Variants in NBPF15 observed in about 807,000 individuals in gnomAD.
NBPF15 encodes the protein NBPF family member NBPF15.
NBPF15 carries 74 observed loss-of-function variants against 62.2 expected under a neutral mutation model. The ratio of observed to expected loss-of-function variants is 1.19; its 90% CI spans 0.99 to 1.44. NBPF15 has a LOEUF of 1.44. Ranked by LOEUF, NBPF15 falls within the 40% of genes most tolerant of loss-of-function variation. The pLI, the probability that NBPF15 is intolerant of heterozygous loss-of-function variation, is 0.00. For synonymous variants in NBPF15, 244 were observed against 209.7 expected, an observed-to-expected ratio of 1.16 and a Z score of -1.41; for missense variants, 790 against 550.0, an observed-to-expected ratio of 1.44 and a Z score of -4.36.
chr1:144,459,206 T>A (rs1650532596), intron 3 of NBPF15, among the ~76,000 whole-genome samples, 160 bp downstream of exon 3: 1 of 151,600 alleles, frequency 6.6e-6, no homozygotes, highest in South Asian at 2.1e-4. Flanking sequence ...ATTAAGAATC[T>A]CAGGCTGGGT....
chr1:144,432,655 A>T lies in NBPF15; in HGVS notation c.824+1118T>A, dbSNP rs1369398211. On this transcript the variant is annotated intron_variant, in intron 13 of 21. Coordinates refer to ENST00000581897, the MANE Select transcript of NBPF15 (RefSeq NM_001385408.1). ...GAAAACAAAAAAAGGCAGGGGTTGCAATCCTAGTCTCTGATAAAACAGACT... is the reference window on the plus strand; with the variant it reads ...GAAAACAAAAAAAGGCAGGGGTTGCTATCCTAGTCTCTGATAAAACAGACT... 7.2e-4 allele frequency among the ~76,000 whole-genome samples: 110 copies of T among 151,996 alleles called. 3 individuals carry two copies. Among genetic ancestry groups the T allele is most frequent in the Non-Finnish European group, 1.9e-4 (13 of 67,932 alleles).
At chr1:144,446,001 A>G (rs1233562102) in intron 6 of NBPF15, among the ~76,000 whole-genome samples, 8 of 146,938 alleles carry the variant, frequency 5.4e-5, no homozygotes, top group Non-Finnish European at 9.0e-5. Flanking sequence ...GACTACAGGC[A>G]CATGCCACCA....
rs1571138160 is a variant in NBPF15 at position 144,440,351 on chromosome 1, C to T, written c.-190-56G>A. The T allele has an allele frequency of 6.0e-5, 62 of 1,030,114 alleles. 2 individuals are homozygous for T. In the East Asian group the frequency reaches 1.6e-3, roughly 26 times the overall value. 63.8% of individuals were successfully genotyped at this position (1,030,114 alleles called of 1,614,324 possible). On this transcript the variant is annotated intron_variant, in intron 6 of 21. Transcript: ENST00000581897. ...GGGGTGTCATGGAATCTTAGGAGCCCTGCATTCCAATTGCCCAGGCTTTGC... is the reference window on the plus strand; with the variant it reads ...GGGGTGTCATGGAATCTTAGGAGCCTTGCATTCCAATTGCCCAGGCTTTGC...
Position 144,440,223 on chromosome 1 carries a change from G to C in NBPF15, c.-118C>G. The C allele has an allele frequency of 6.6e-7, 1 of 1,521,938 alleles. No individual in the cohort carries two copies. Among genetic ancestry groups the C allele is most frequent in the Non-Finnish European group, 8.8e-7 (1 of 1,132,314 alleles). The allele number at this position is 1,521,938 out of a possible 1,614,324, so 94.3% of individuals were successfully genotyped here. A position where few individuals can be genotyped will look rare whatever the true frequency, so the allele number is the denominator to read the frequency against. ...AAGGTTCGAGGTGCCTCAACTCAGA[G>C]CTGAAAGCACTGTCAGTAGCGCAGA... On this transcript the variant is annotated 5_prime_UTR_variant, in exon 7 of 22. Coordinates refer to ENST00000581897, the MANE Select transcript of NBPF15 (RefSeq NM_001385408.1).
chr1:144,449,670 C>T (rs1365411004), intron 5 of NBPF15, among the ~76,000 whole-genome samples: 1 of 151,884 alleles, frequency 6.6e-6, no homozygotes, highest in Non-Finnish European at 1.5e-5. Context: ...GAGGGTCAGT[C>T]CCAGGCTGTG....
chr1:144,438,453 G>A (rs1410393729), intron 8 of NBPF15, among the ~76,000 whole-genome samples: 2 of 151,900 alleles, frequency 1.3e-5, no homozygotes, highest in African/African-American at 4.8e-5. Flanking sequence ...GGGACTGATG[G>A]TTTCCCTTTT....
intron 10 of NBPF15, among the ~76,000 whole-genome samples, chr1:144,436,362 C>T (rs1161922580): frequency 5.3e-5 from 8 of 152,008 alleles, no homozygotes; most frequent in Non-Finnish European, 8.8e-5. Context: ...CCACAAAACG[C>T]CCCCACATAA....
chr1:144,448,291 G>A (rs587658019), intron 6 of NBPF15, among the ~76,000 whole-genome samples: 10 of 152,098 alleles, frequency 6.6e-5, no homozygotes, highest in East Asian at 1.9e-4. Flanking sequence ...CTTTGTTTTT[G>A]GAAGCATGTA....
chr1:144,453,519 A>G (rs1692486149), intron 4 of NBPF15, among the ~76,000 whole-genome samples: 1 of 151,664 alleles, frequency 6.6e-6, no homozygotes. Flanking sequence ...TGTGAAAGAC[A>G]CTGTTAAGAG....
At chr1:144,442,825 G>T in intron 6 of NBPF15, 1 of 213,088 alleles carries the variant, frequency 4.7e-6, no homozygotes, top group Non-Finnish European at 1.0e-5. Context: ...ACTGCTGCAG[G>T]ATGGGGAATT....
At chr1:144,432,146 C>T (rs1306911180) in intron 13 of NBPF15, among the ~76,000 whole-genome samples, 1 of 151,848 alleles carries the variant, frequency 6.6e-6, no homozygotes, top group African/African-American at 2.4e-5. Context: ...ACATCCTCTC[C>T]AGCATCTTCA....
intron 21 of NBPF15, 107 bp downstream of exon 21, chr1:144,423,763 A>C: frequency 1.4e-6 from 1 of 708,714 alleles, no homozygotes; most frequent in Non-Finnish European, 2.5e-6. Context: ...AGTAGGAGTA[A>C]TTCAGCCTTC....
At chr1:144,444,532 C>A (rs1412073156) in intron 6 of NBPF15, among the ~76,000 whole-genome samples, 25 of 151,836 alleles carry the variant, frequency 1.6e-4, no homozygotes, top group Admixed American at 7.2e-4. Context: ...GGGCCCCCAG[C>A]ACCTAGACCC....
chr1:144,440,087 C>A, intron 7 of NBPF15, 49 bp from the exon 8 acceptor site: 1 of 1,577,606 alleles, frequency 6.3e-7, no homozygotes, highest in Non-Finnish European at 8.7e-7. Flanking sequence ...CTGGTGAAAT[C>A]AAATAGGTTT....
chr1:144,450,445 C>G (rs1429098196), intron 5 of NBPF15, among the ~76,000 whole-genome samples: 6 of 151,950 alleles, frequency 3.9e-5, no homozygotes, highest in African/African-American at 1.5e-4. Flanking sequence ...CCCTCAGCCC[C>G]CCACAAACAA....
chr1:144,454,985 T>C (rs1693479285), intron 4 of NBPF15, among the ~76,000 whole-genome samples: 1 of 151,568 alleles, frequency 6.6e-6, no homozygotes, highest in African/African-American at 2.4e-5. Flanking sequence ...GTGTGGTCTT[T>C]TTTAAAAAGT....
chr1:144,441,849 T>C (rs1683112060), intron 6 of NBPF15, among the ~76,000 whole-genome samples: 4 of 149,944 alleles, frequency 2.7e-5, no homozygotes, highest in Admixed American at 2.6e-4. Flanking sequence ...TCAAAATTGT[T>C]TTACTTAAAA....
At chr1:144,424,571 A>G (rs1553538903) in intron 20 of NBPF15, 119 bp downstream of exon 20, 1 of 644,624 alleles carries the variant, frequency 1.6e-6, no homozygotes, top group South Asian at 1.9e-5. Flanking sequence ...ACATGTGCCT[A>G]TAGGTCCTCA....
chr1:144,442,737 G>T, intron 6 of NBPF15: 1 of 195,716 alleles, frequency 5.1e-6, no homozygotes, highest in Non-Finnish European at 1.1e-5. Flanking sequence ...TTGGTGTCCT[G>T]GTTGGCAAAG....
Sources: gnomAD v4.1 joint callset for allele counts (sites outside exome capture counted in the v4.1 genomes callset) on GRCh38, gnomAD v4.1.1 for gene constraint, MANE v1.5 for transcripts, NCBI Gene and HGNC (gene_info 2026-07-23, HGNC 2026-07-21) for gene names.